CERS3: variants seen among roughly 807,000 people sequenced by gnomAD.
CERS3 encodes LAG1 homolog, ceramide synthase 3.
Under a neutral mutation model 50.3 loss-of-function variants are expected in CERS3, and 33 were observed. The observed-to-expected ratio is 0.66, with a 90% CI of 0.50 to 0.88. The LOEUF is 0.88. Among genes scored for constraint, CERS3 ranks in the 40% least tolerant of loss-of-function variants. The probability of loss-of-function intolerance (pLI) is 0.00; values close to 1 mark genes in which losing one functional copy is unlikely to be tolerated. For synonymous variants in CERS3, 176 were observed against 155.2 expected (o/e 1.13, Z -0.99); for missense variants, 470 against 460.3 (o/e 1.02, Z -0.19).
chr15:100,409,837 G>T (rs1301490173), intron 11 of CERS3, among the ~76,000 whole-genome samples: 2 of 152,162 alleles, frequency 1.3e-5, no homozygotes, highest in African/African-American at 4.8e-5. Context: ...GAAAACACAC[G>T]CTTCAAGAAG....
chr15:100,497,457 AT>A (rs530768976), intron 3 of CERS3, among the ~76,000 whole-genome samples: 5 of 151,850 alleles, frequency 3.3e-5, no homozygotes, highest in African/African-American at 7.2e-5. Context: ...GAAAACATCC[AT>A]TTTTTTTCTC....
chr15:100,509,386 A>T (rs1210198060), intron 2 of CERS3, among the ~76,000 whole-genome samples: 2 of 152,242 alleles, frequency 1.3e-5, no homozygotes, highest in African/African-American at 4.8e-5. Context: ...GTAATTATTC[A>T]TCCAATTCAT....
intron 11 of CERS3, among the ~76,000 whole-genome samples, chr15:100,411,781 G>GT (rs555233264): frequency 2.0e-5 from 3 of 151,958 alleles, no homozygotes; most frequent in Admixed American, 1.3e-4. Flanking sequence ...GTTATGTTCG[G>GT]TTTTTTTAAT....
intron 5 of CERS3, among the ~76,000 whole-genome samples, chr15:100,482,090 T>C (rs1343904357): frequency 6.6e-6 from 1 of 152,228 alleles, no homozygotes; most frequent in African/African-American, 2.4e-5. Context: ...CAAGAGTTTT[T>C]CAGAGACCAA....
chr15:100,418,301 C>T (rs573373571), intron 11 of CERS3, among the ~76,000 whole-genome samples: 115 of 150,872 alleles, frequency 7.6e-4, no homozygotes, highest in African/African-American at 2.6e-3. Context: ...CCTCAGAAGC[C>T]GATGCGATCA....
At chr15:100,456,371 G>C (rs1170464780) in intron 10 of CERS3, among the ~76,000 whole-genome samples, 2 of 152,084 alleles carry the variant, frequency 1.3e-5, no homozygotes, top group African/African-American at 4.8e-5. Flanking sequence ...TCTGGTGATG[G>C]GGCTAGAGGA....
Position 100,402,799 on chromosome 15 carries a change from C to G in CERS3, c.1066G>C (p.Ala356Pro). 6.2e-7 allele frequency: 1 copy of G among 1,614,090 alleles called. No individual in the cohort carries two copies. Among genetic ancestry groups the G allele is most frequent in the Non-Finnish European group, 8.5e-7 (1 of 1,179,976 alleles). The change falls in exon 12 of 12, where the codon GCT becomes CCT. Residue 356 changes from alanine to proline, a missense_variant. Physicochemically the swap from Ala to Pro is conservative, Grantham distance 27 (BLOSUM62 -1). Coordinates refer to ENST00000679737, the MANE Select transcript of CERS3 (RefSeq NM_001378789.1). ...EEEEEEEEEE[A>P]TKGKEMDCLK... Reference sequence around the variant, plus strand: ...CAATCCATCTCTTTGCCTTTGGTAGCCTCTTCTTCTTCCTCTTCCTCTTCC... The same window carrying G: ...CAATCCATCTCTTTGCCTTTGGTAGGCTCTTCTTCTTCCTCTTCCTCTTCC...
intron 9 of CERS3, among the ~76,000 whole-genome samples, chr15:100,470,161 T>G (rs773422557): frequency 6.6e-6 from 1 of 152,028 alleles, no homozygotes; most frequent in Non-Finnish European, 1.5e-5. Flanking sequence ...TGTCCAGGGC[T>G]GAAGAGGGAA....
intron 11 of CERS3, among the ~76,000 whole-genome samples, chr15:100,411,036 C>T (rs1472887857): frequency 6.6e-6 from 1 of 152,206 alleles, no homozygotes; most frequent in East Asian, 1.9e-4. Flanking sequence ...TTTGTCAATT[C>T]TAAGTACCTC....
intron 1 of CERS3, among the ~76,000 whole-genome samples, chr15:100,538,705 G>A (rs115467956): frequency 0.017 from 2,544 of 152,310 alleles, 80 homozygotes; most frequent in African/African-American, 0.059. Context: ...TGGAGGAGCT[G>A]CTGTTAAGAC....
At chr15:100,489,762 T>A in intron 4 of CERS3, among the ~76,000 whole-genome samples, 1 of 152,146 alleles carries the variant, frequency 6.6e-6, no homozygotes, top group East Asian at 1.9e-4. Flanking sequence ...ATAAAAAACA[T>A]ATAAAGATGG....
chr15:100,467,850 T>TAGATATATAGATAG (rs1555528324), intron 10 of CERS3, among the ~76,000 whole-genome samples: 2 of 93,138 alleles, frequency 2.1e-5, no homozygotes, highest in Admixed American at 2.3e-4. Flanking sequence ...TATATATATA[T>TAGATATATAGATAG]ATAGATAGAT....
intron 10 of CERS3, among the ~76,000 whole-genome samples, chr15:100,467,853 A>ACGT (rs1491218117): frequency 1.1e-3 from 43 of 40,488 alleles, no homozygotes; most frequent in Middle Eastern, 0.015. Flanking sequence ...ATATATATAT[A>ACGT]GATAGATAGA....
chr15:100,457,528 G>A (rs1477502492), intron 10 of CERS3, among the ~76,000 whole-genome samples: 1 of 152,194 alleles, frequency 6.6e-6, no homozygotes, highest in Non-Finnish European at 1.5e-5. Context: ...TTATTACTGA[G>A]TGGCACTCCA....
intron 10 of CERS3, among the ~76,000 whole-genome samples, chr15:100,465,750 C>G (rs1235673218): frequency 3.9e-5 from 6 of 151,948 alleles, no homozygotes; most frequent in African/African-American, 1.5e-4. Flanking sequence ...CCTCCACTTC[C>G]CAGTTTCAGG....
At chr15:100,525,743 G>C (rs2036769115) in intron 1 of CERS3, among the ~76,000 whole-genome samples, 1 of 152,090 alleles carries the variant, frequency 6.6e-6, no homozygotes, top group Non-Finnish European at 1.5e-5. Context: ...TTTCATCATT[G>C]TAAATTCCAG....
At chr15:100,446,812 G>C (rs1226636598) in intron 11 of CERS3, among the ~76,000 whole-genome samples, 1 of 152,082 alleles carries the variant, frequency 6.6e-6, no homozygotes, top group Admixed American at 6.6e-5. Flanking sequence ...ATCTAGTTGA[G>C]GCCATGATGG....
chr15:100,425,484 C>CG lies in CERS3; in HGVS notation c.1000-22620_1000-22619insC, dbSNP rs199591623. ...TGTAGCTATAAGATTTAATGACCCC[C>CG]TGCTGGGCTTCAGACTTCCATGGGG... is the stretch of plus-strand genomic sequence containing the variant. On this transcript the variant is annotated intron_variant, in intron 11 of 11. Coordinates refer to ENST00000679737, the MANE Select transcript of CERS3 (RefSeq NM_001378789.1). Among the ~76,000 whole-genome samples, 1,407 of 152,206 alleles carry CG rather than the reference C, an allele frequency of 9.2e-3. 12 individuals carry two copies. The highest frequency in any genetic ancestry group is 0.072 in the Middle Eastern group (21 of 292).
intron 10 of CERS3, among the ~76,000 whole-genome samples, chr15:100,459,969 T>G (rs2034497745): frequency 6.6e-6 from 1 of 152,198 alleles, no homozygotes; most frequent in African/African-American, 2.4e-5. Context: ...GAGCATTTAT[T>G]TTTCCTGTTG....
Sources: gnomAD v4.1 joint callset for allele counts (sites outside exome capture counted in the v4.1 genomes callset) on GRCh38, gnomAD v4.1.1 for gene constraint, MANE v1.5 for transcripts, NCBI Gene and HGNC (gene_info 2026-07-23, HGNC 2026-07-21) for gene names.